The following SLC46A3 variants were observed in gnomAD, a reference collection of about 807,000 sequenced individuals.
SLC46A3 encodes lysosomal proton-coupled steroid conjugate and bile acid symporter SLC46A3.
Under a neutral mutation model 38.5 loss-of-function variants are expected in SLC46A3, and 26 were observed. The ratio of observed to expected loss-of-function variants is 0.68; its 90% CI spans 0.49 to 0.94. SLC46A3 has a LOEUF of 0.94. SLC46A3 is among the 40% of genes least tolerant of loss of function. The pLI is 0.00. For missense variants in SLC46A3, 510 were observed against 544.3 expected (o/e 0.94, Z 0.63); for synonymous variants, 185 against 192.5 (o/e 0.96, Z 0.32).
chr13:28,702,523 T>C (rs2137818888), intron 5 of SLC46A3, among the ~76,000 whole-genome samples: 1 of 152,334 alleles, frequency 6.6e-6, no homozygotes, highest in South Asian at 2.1e-4. Flanking sequence ...TGAATTGCTT[T>C]ATGATACAGC....
At chr13:28,717,197 A>G (rs965642770) in intron 2 of SLC46A3, among the ~76,000 whole-genome samples, 1 of 151,720 alleles carries the variant, frequency 6.6e-6, no homozygotes, top group African/African-American at 2.4e-5. Flanking sequence ...AACGGTGGGT[A>G]CTCCCCACTC....
At chr13:28,703,282 A>G (rs1454045876) in intron 5 of SLC46A3, among the ~76,000 whole-genome samples, 1 of 152,204 alleles carries the variant, frequency 6.6e-6, no homozygotes, top group African/African-American at 2.4e-5. Context: ...AGCACATCCT[A>G]TCTGCTTTTG....
At chr13:28,701,629 T>C (rs1275422091) in intron 5 of SLC46A3, 48 bp from the exon 6 acceptor site, 1 of 1,548,422 alleles carries the variant, frequency 6.5e-7, no homozygotes, top group Non-Finnish European at 8.8e-7. Context: ...AGACAATACA[T>C]AAATAAGTAA....
chr13:28,705,383 T>C (rs1423270397), intron 4 of SLC46A3, among the ~76,000 whole-genome samples: 1 of 152,254 alleles, frequency 6.6e-6, no homozygotes, highest in Non-Finnish European at 1.5e-5. Context: ...ATTTTCCCCA[T>C]GGTCTTCATC....
intron 5 of SLC46A3, among the ~76,000 whole-genome samples, chr13:28,701,887 A>G (rs1885033290): frequency 6.6e-6 from 1 of 152,224 alleles, no homozygotes; most frequent in Admixed American, 6.5e-5. Context: ...TTCAATAGCT[A>G]TAGCTGAAGC....
At position 28,710,014 on chromosome 13, in the gene SLC46A3, C is replaced by G. The variant is rs1024854978; in HGVS notation, c.1144+746G>C. On this transcript the variant is annotated intron_variant, in intron 4 of 5. Transcript: ENST00000266943. ...GGTCAGTTATTTGAAATCTGGCCAA[C>G]AAACTGTTAACTAAAATATATTATG... 2.6e-5 allele frequency among the ~76,000 whole-genome samples: 4 copies of G among 152,192 alleles called. No homozygotes were observed. In the East Asian group the frequency reaches 7.7e-4, roughly 29 times the overall value.
rs41291227 is a variant in SLC46A3 at position 28,700,569 on chromosome 13, G to A, written c.*928C>T. 9.3e-3 allele frequency: 1,720 copies of A among 185,528 alleles called. 13 individuals carry two copies. The highest frequency in any genetic ancestry group is 0.015 in the South Asian group (98 of 6,680). The allele number at this position is 185,528 out of a possible 1,614,324, so 11.5% of individuals were successfully genotyped here. ...TTAGCAGTATTTATAATTGAACAAGGATAGACAACAGCTGGGTAAGAAAGA... is the reference window on the plus strand; with the variant it reads ...TTAGCAGTATTTATAATTGAACAAGAATAGACAACAGCTGGGTAAGAAAGA... On this transcript the variant is annotated 3_prime_UTR_variant, in exon 6 of 6. Transcript: ENST00000266943.
chr13:28,700,684 C>T lies in SLC46A3; in HGVS notation c.*813G>A. On this transcript the variant is annotated 3_prime_UTR_variant, in exon 6 of 6. Transcript: ENST00000266943. The stretch of plus-strand genomic sequence containing the variant: ...AAATGTTGGCTCCAAACATTAGTTA[C>T]TTTATACCAGTATTAGCTGTTCATT... 2.8e-6 allele frequency: 1 copy of T among 352,012 alleles called. No homozygotes were observed. The highest frequency in any genetic ancestry group is 5.2e-6 in the Non-Finnish European group (1 of 193,590). The allele number at this position is 352,012 out of a possible 1,614,324, so 21.8% of individuals were successfully genotyped here.
At chr13:28,706,600 T>A (rs1329780045) in intron 4 of SLC46A3, among the ~76,000 whole-genome samples, 1 of 152,222 alleles carries the variant, frequency 6.6e-6, no homozygotes, top group Non-Finnish European at 1.5e-5. Flanking sequence ...TTCGTAGAGA[T>A]AGAGCCTCCC....
Position 28,717,976 on chromosome 13 carries a change from G to A in SLC46A3, c.23C>T (p.Pro8Leu), listed in dbSNP as rs1438583746. 3.1e-6 allele frequency: 5 copies of A among 1,612,116 alleles called. No individual in the cohort carries two copies. The South Asian group carries it at 3.3e-5, about 11-fold the overall frequency. ...AGCAAATGCACTAAGGAAAATGGCAGGTTCTACAAATAAAATCTTCATATT... is the reference window on the plus strand; with the variant it reads ...AGCAAATGCACTAAGGAAAATGGCAAGTTCTACAAATAAAATCTTCATATT... Reference protein sequence around the residue: MKILFVEPAIFLSAFAMT... With the variant: MKILFVELAIFLSAFAMT... The change falls in exon 2 of 6, where the codon CCT (proline) becomes CTT (leucine). Residue 8 changes from proline to leucine, a missense_variant. Physicochemically the swap from Pro to Leu is moderately conservative, Grantham distance 98. Transcript: ENST00000266943.
Position 28,712,944 on chromosome 13 carries a change from T to C in SLC46A3, c.796A>G (p.Thr266Ala), listed in dbSNP as rs770443288. ...ACCACAAAAAAATAAGTGATTACTG[T>C]AAAAAGTAACAAACAGAGCAAAAAT... ...RRFLLCLLLF[T>A]VITYFFVVIG... The change falls in exon 3 of 6, where the codon ACA becomes GCA. Residue 266 changes from threonine (T) to alanine (A), a missense_variant. Coordinates refer to ENST00000266943, the MANE Select transcript of SLC46A3 (RefSeq NM_181785.4). 1 of 1,611,818 alleles carries C rather than the reference T, an allele frequency of 6.2e-7. No homozygotes were observed. The highest frequency in any genetic ancestry group is 2.2e-5 in the East Asian group (1 of 44,854).
intron 2 of SLC46A3, among the ~76,000 whole-genome samples, chr13:28,714,640 T>A (rs1472124377): frequency 6.6e-6 from 1 of 152,188 alleles, no homozygotes; most frequent in African/African-American, 2.4e-5. Context: ...TCTCCGCTAC[T>A]TGGGAGGCTG....
At chr13:28,709,849 GAA>G (rs1402548196) in intron 4 of SLC46A3, among the ~76,000 whole-genome samples, 2 of 152,178 alleles carry the variant, frequency 1.3e-5, no homozygotes, top group Non-Finnish European at 2.9e-5. Flanking sequence ...TGGCCTTCAT[GAA>G]AGTTTCTTGA....
intron 4 of SLC46A3, 151 bp downstream of exon 4, chr13:28,710,609 C>T: frequency 1.5e-6 from 1 of 669,802 alleles, no homozygotes; most frequent in Non-Finnish European, 2.6e-6. Flanking sequence ...AGAGTGTAAG[C>T]CTTTCCCTCA....
chr13:28,716,638 T>C lies in SLC46A3; in HGVS notation c.189+1172A>G, dbSNP rs370961973. ...ACCTTACTCTACGCCAGAACCTTGATGTCTTCCAGGCTGCTCAGAAATAAT... is the reference window on the plus strand; with the variant it reads ...ACCTTACTCTACGCCAGAACCTTGACGTCTTCCAGGCTGCTCAGAAATAAT... On this transcript the variant is annotated intron_variant, in intron 2 of 5. Transcript: ENST00000266943. Among the ~76,000 whole-genome samples the C allele has an allele frequency of 1.6e-4, 24 of 152,230 alleles. No individual in the cohort carries two copies. In the East Asian group the frequency reaches 4.1e-3, roughly 26 times the overall value.
Position 28,701,290 on chromosome 13 carries a change from T to C in SLC46A3, c.*207A>G. 2 of 1,414,976 alleles carry C rather than the reference T, an allele frequency of 1.4e-6. No individual in the cohort carries two copies. Among genetic ancestry groups the C allele is most frequent in the African/African-American group, 1.4e-5 (1 of 69,286 alleles). The allele number at this position is 1,414,976 out of a possible 1,614,324, so 87.7% of individuals were successfully genotyped here. On this transcript the variant is annotated 3_prime_UTR_variant, in exon 6 of 6. Transcript: ENST00000266943. ...TTTGTTCTGTGTATTGCAAGTATAT[T>C]GCATGATACGCACAAAGTGCTCAAA...
At chr13:28,716,486 A>T (rs1885529893) in intron 2 of SLC46A3, among the ~76,000 whole-genome samples, 1 of 152,148 alleles carries the variant, frequency 6.6e-6, no homozygotes, top group African/African-American at 2.4e-5. Flanking sequence ...TGTTTAATGC[A>T]TGAATAAACA....
At chr13:28,717,759 C>T in intron 2 of SLC46A3, 51 bp downstream of exon 2, 7 of 1,558,508 alleles carry the variant, frequency 4.5e-6, no homozygotes, top group Non-Finnish European at 6.1e-6. Flanking sequence ...AACTCAAAGC[C>T]CGGTATACAT....
intron 4 of SLC46A3, among the ~76,000 whole-genome samples, chr13:28,706,071 A>T (rs538639345): frequency 5.3e-5 from 8 of 152,122 alleles, no homozygotes; most frequent in Non-Finnish European, 1.0e-4. Flanking sequence ...TCATCTTCTA[A>T]ATTCTGTTTT....
Sources: allele counts gnomAD v4.1 joint callset (sites outside exome capture counted in the v4.1 genomes callset), GRCh38; gene constraint gnomAD v4.1.1; transcripts MANE v1.5; gene names NCBI Gene and HGNC (gene_info 2026-07-23, HGNC 2026-07-21).